Variants in TAFA4 observed in about 807,000 individuals in gnomAD.
TAFA4 encodes the protein chemokine-like protein TAFA-4.
A neutral mutation model predicts 21.1 loss-of-function variants in TAFA4; 20 were observed. The ratio of observed to expected loss-of-function variants is 0.95; its 90% CI spans 0.67 to 1.38. The LOEUF (loss-of-function observed/expected upper bound fraction) is 1.38. TAFA4 is among the 40% of genes most tolerant of loss of function. The pLI, the probability that TAFA4 is intolerant of heterozygous loss-of-function variation, is 0.00. For synonymous variants in TAFA4, 71 were observed against 67.4 expected, an observed-to-expected ratio of 1.05 and a Z score of -0.26; for missense variants, 211 against 180.9, an observed-to-expected ratio of 1.17 and a Z score of -0.95.
intron 3 of TAFA4, among the ~76,000 whole-genome samples, chr3:68,847,218 G>C (rs1704824942): frequency 6.6e-6 from 1 of 152,242 alleles, no homozygotes; most frequent in Non-Finnish European, 1.5e-5. Flanking sequence ...GCCCTGCCCA[G>C]AGAGGAGGAA....
chr3:68,906,262 A>C (rs749812225), intron 1 of TAFA4, among the ~76,000 whole-genome samples: 4 of 152,178 alleles, frequency 2.6e-5, no homozygotes, highest in Non-Finnish European at 5.9e-5. Flanking sequence ...ATAACAGAAA[A>C]TCAGGTATTG....
chr3:68,891,838 C>G (rs2089733709), intron 1 of TAFA4, among the ~76,000 whole-genome samples: 1 of 152,128 alleles, frequency 6.6e-6, no homozygotes, highest in Admixed American at 6.6e-5. Flanking sequence ...TTTCTCTAGA[C>G]AGAAATGAGG....
chr3:68,847,973 T>C (rs190174625), intron 3 of TAFA4, among the ~76,000 whole-genome samples: 4 of 152,348 alleles, frequency 2.6e-5, no homozygotes, highest in Admixed American at 2.6e-4. Flanking sequence ...AGAACAGCTC[T>C]CAAAAAGATA....
intron 4 of TAFA4, among the ~76,000 whole-genome samples, chr3:68,744,211 G>A (rs971689628): frequency 1.3e-5 from 2 of 152,282 alleles, no homozygotes; most frequent in Non-Finnish European, 2.9e-5. Context: ...GTGGCCAGAG[G>A]TCCACAACTG....
chr3:68,915,639 TG>T (rs2089998119), intron 1 of TAFA4, among the ~76,000 whole-genome samples: 1 of 152,182 alleles, frequency 6.6e-6, no homozygotes, highest in Admixed American at 6.5e-5. Flanking sequence ...AAGTTAATCA[TG>T]GTGGGTATTT....
intron 1 of TAFA4, among the ~76,000 whole-genome samples, chr3:68,922,960 C>T (rs528408746): frequency 1.3e-5 from 2 of 152,186 alleles, no homozygotes; most frequent in African/African-American, 4.8e-5. Context: ...CTGTCTGCTC[C>T]CCCAACTCAC....
intron 1 of TAFA4, among the ~76,000 whole-genome samples, chr3:68,896,965 G>A (rs548623685): frequency 2.6e-5 from 4 of 152,292 alleles, no homozygotes; most frequent in East Asian, 3.9e-4. Context: ...GTACAATGGC[G>A]CGATCTTGGC....
chr3:68,732,911 G>GAGAGGATGTCAA lies in TAFA4; in HGVS notation c.*219_*230dup, dbSNP rs2106716436. 1 of 539,010 alleles carries GAGAGGATGTCAA rather than the reference G, an allele frequency of 1.9e-6. No individual in the cohort carries two copies. The highest frequency in any genetic ancestry group is 2.9e-5 in the East Asian group (1 of 34,200). 33.4% of individuals were successfully genotyped at this position (539,010 alleles called of 1,614,324 possible). On this transcript the variant is annotated 3_prime_UTR_variant, in exon 6 of 6. Coordinates refer to ENST00000295569, the MANE Select transcript of TAFA4 (RefSeq NM_182522.5). ...TGGAGGTATGCTCCTTGGGAATCCAGAGAGGATGTCAAATGGGTGGTGGCT... is the reference window on the plus strand; with the variant it reads ...TGGAGGTATGCTCCTTGGGAATCCAGAGAGGATGTCAAAGAGGATGTCAAATGGGTGGTGGCT...
intron 3 of TAFA4, among the ~76,000 whole-genome samples, chr3:68,852,507 A>G (rs1704973524): frequency 1.3e-5 from 2 of 152,126 alleles, no homozygotes; most frequent in African/African-American, 2.4e-5. Flanking sequence ...GCCTGTTTCA[A>G]CAGTGCGTAA....
Position 68,780,760 on chromosome 3 carries a change from T to C in TAFA4, c.131-27742A>G, listed in dbSNP as rs571241628. ...TAATACAGAGACCTTAAAACTTGAC[T>C]CTCAGTAATTGATAAAACAAGTAAA... On this transcript the variant is annotated intron_variant, in intron 3 of 5. Transcript: ENST00000295569. Among the ~76,000 whole-genome samples the C allele has an allele frequency of 5.3e-4, 80 of 152,316 alleles. 1 individual carries two copies. In the South Asian group the frequency reaches 0.016, roughly 31 times the overall value.
chr3:68,840,949 A>G (rs1575635259), intron 3 of TAFA4, among the ~76,000 whole-genome samples: 1 of 152,190 alleles, frequency 6.6e-6, no homozygotes, highest in Non-Finnish European at 1.5e-5. Context: ...CACATTCTGT[A>G]CCTCTGCTAC....
At chr3:68,918,300 A>T (rs2090024964) in intron 1 of TAFA4, among the ~76,000 whole-genome samples, 1 of 151,996 alleles carries the variant, frequency 6.6e-6, no homozygotes, top group Admixed American at 6.6e-5. Context: ...GACACTGGAG[A>T]AAAAATCAGC....
chr3:68,873,333 G>GAC (rs1348018956), intron 3 of TAFA4, among the ~76,000 whole-genome samples: 3 of 46,978 alleles, frequency 6.4e-5, no homozygotes, highest in East Asian at 2.1e-3. Context: ...GACACACGCA[G>GAC]ACATACACAC....
chr3:68,845,987 C>T (rs894696640), intron 3 of TAFA4, among the ~76,000 whole-genome samples: 7 of 151,922 alleles, frequency 4.6e-5, no homozygotes, highest in South Asian at 4.2e-4. Context: ...CTGGCAATTA[C>T]GTGTCTTGGG....
intron 3 of TAFA4, among the ~76,000 whole-genome samples, chr3:68,833,254 A>C (rs974053068): frequency 2.0e-5 from 3 of 152,154 alleles, no homozygotes; most frequent in Admixed American, 2.0e-4. Flanking sequence ...GAAATGCAGA[A>C]ATCACCCATC....
intron 4 of TAFA4, among the ~76,000 whole-genome samples, chr3:68,750,644 G>A (rs574808457): frequency 6.6e-6 from 1 of 152,234 alleles, no homozygotes; most frequent in South Asian, 2.1e-4. Flanking sequence ...GATAGTTTGC[G>A]GTAAGGTATT....
intron 1 of TAFA4, among the ~76,000 whole-genome samples, chr3:68,925,421 A>C (rs2107031345): frequency 6.6e-6 from 1 of 152,322 alleles, no homozygotes; most frequent in African/African-American, 2.4e-5. Context: ...TGTTGCCCCC[A>C]ACGATACATA....
intron 4 of TAFA4, among the ~76,000 whole-genome samples, chr3:68,741,785 C>CCAT (rs934706768): frequency 5.3e-5 from 8 of 151,782 alleles, no homozygotes; most frequent in Non-Finnish European, 1.2e-4. Context: ...GAGCAAGACT[C>CCAT]CATCTCAAAA....
chr3:68,894,359 C>T (rs922894240), intron 1 of TAFA4, among the ~76,000 whole-genome samples: 13 of 152,096 alleles, frequency 8.5e-5, no homozygotes, highest in Non-Finnish European at 1.8e-4. Context: ...AGGGTTTTGC[C>T]ATGTTGCCCA....
Sources: gnomAD v4.1 joint callset for allele counts (sites outside exome capture counted in the v4.1 genomes callset) on GRCh38, gnomAD v4.1.1 for gene constraint, MANE v1.5 for transcripts, NCBI Gene and HGNC (gene_info 2026-07-23, HGNC 2026-07-21) for gene names.